The following CCSER1 variants were observed in gnomAD, a reference collection of about 807,000 sequenced individuals.
CCSER1 encodes serine-rich coiled-coil domain-containing protein 1.
Under a neutral mutation model 82.0 loss-of-function variants are expected in CCSER1, and 41 were observed. That is an observed-to-expected ratio of 0.50 (90% CI 0.39 to 0.65). CCSER1 has a LOEUF of 0.65. Among genes scored for constraint, CCSER1 ranks in the 30% least tolerant of loss-of-function variants. The pLI is 0.00. For missense variants in CCSER1, 1,119 were observed against 1,064.2 expected, an observed-to-expected ratio of 1.05 and a Z score of -0.72; for synonymous variants, 414 against 383.9, an observed-to-expected ratio of 1.08 and a Z score of -0.92.
intron 9 of CCSER1, among the ~76,000 whole-genome samples, chr4:90,977,096 T>A (rs1397328753): frequency 6.6e-6 from 1 of 151,562 alleles, no homozygotes; most frequent in Non-Finnish European, 1.5e-5. Context: ...TCTCTGCCTC[T>A]CCTTCTTCAT....
chr4:90,817,617 G>A (rs187939097), intron 8 of CCSER1, among the ~76,000 whole-genome samples: 308 of 151,708 alleles, frequency 2.0e-3, no homozygotes, highest in Non-Finnish European at 3.2e-3. Flanking sequence ...TAATCATCTT[G>A]AATAAACAGG....
intron 9 of CCSER1, among the ~76,000 whole-genome samples, chr4:90,995,820 T>G (rs1316087074): frequency 6.6e-6 from 1 of 152,094 alleles, no homozygotes; most frequent in African/African-American, 2.4e-5. Context: ...AGTTGATTTG[T>G]GGACTCACAA....
chr4:91,048,203 A>G (rs1742680709), intron 9 of CCSER1, among the ~76,000 whole-genome samples: 1 of 152,026 alleles, frequency 6.6e-6, no homozygotes, highest in African/African-American at 2.4e-5. Context: ...AGCAAGATAG[A>G]TGGCAGTGAC....
At chr4:91,134,400 A>C (rs186986742) in intron 10 of CCSER1, among the ~76,000 whole-genome samples, 38 of 151,570 alleles carry the variant, frequency 2.5e-4, no homozygotes, top group Non-Finnish European at 4.3e-4. Flanking sequence ...CAGTCAGGGC[A>C]ACACAGCAAG....
At chr4:90,839,044 G>C (rs371967306) in intron 8 of CCSER1, 4 of 1,612,044 alleles carry the variant, frequency 2.5e-6, no homozygotes, top group Non-Finnish European at 3.4e-6. Flanking sequence ...ACATGGTTGC[G>C]GAGGAAAAGC....
intron 1 of CCSER1, among the ~76,000 whole-genome samples, chr4:90,253,822 GTC>G (rs1242067071): frequency 6.6e-6 from 1 of 151,892 alleles, no homozygotes; most frequent in Non-Finnish European, 1.5e-5. Flanking sequence ...CTTTTTGATT[GTC>G]TCTTTCTTTC....
At chr4:90,963,412 A>AT (rs1029715784) in intron 9 of CCSER1, among the ~76,000 whole-genome samples, 5 of 152,110 alleles carry the variant, frequency 3.3e-5, no homozygotes, top group African/African-American at 9.6e-5. Flanking sequence ...ACATATATAC[A>AT]TTTTTTTTGT....
At chr4:90,302,374 G>T (rs1733314542) in intron 1 of CCSER1, among the ~76,000 whole-genome samples, 1 of 152,178 alleles carries the variant, frequency 6.6e-6, no homozygotes, top group Non-Finnish European at 1.5e-5. Flanking sequence ...GGTAGGGAAG[G>T]AGTGTCAGGG....
intron 3 of CCSER1, among the ~76,000 whole-genome samples, chr4:90,322,888 A>G (rs1174149632): frequency 6.6e-6 from 1 of 152,170 alleles, no homozygotes; most frequent in Non-Finnish European, 1.5e-5. Flanking sequence ...CCAGTGCAGT[A>G]CTGGGTCTTA....
chr4:91,164,416 G>T (rs185540668), intron 10 of CCSER1, among the ~76,000 whole-genome samples: 77 of 152,158 alleles, frequency 5.1e-4, no homozygotes, highest in Non-Finnish European at 5.9e-5. Flanking sequence ...TCTTGGGGTT[G>T]CTCTTCTTGA....
At chr4:91,573,722 C>T (rs932142034) in intron 10 of CCSER1, among the ~76,000 whole-genome samples, 3 of 152,058 alleles carry the variant, frequency 2.0e-5, no homozygotes, top group African/African-American at 7.2e-5. Context: ...TTGATTAGTC[C>T]CAATGCAAGT....
chr4:91,206,787 A>C (rs1418704921), intron 10 of CCSER1, among the ~76,000 whole-genome samples: 6 of 151,850 alleles, frequency 4.0e-5, no homozygotes, highest in Non-Finnish European at 7.4e-5. Context: ...TTCACAAGAG[A>C]TACGAGAAGT....
intron 8 of CCSER1, among the ~76,000 whole-genome samples, chr4:90,895,995 A>G (rs903150453): frequency 4.6e-5 from 7 of 151,976 alleles, no homozygotes; most frequent in Non-Finnish European, 1.0e-4. Flanking sequence ...TTAAATGGTT[A>G]CTGCAGTGAT....
chr4:91,594,364 TATACACATATATATACACACATATA>T (rs1195359114), intron 10 of CCSER1, among the ~76,000 whole-genome samples: 1 of 137,978 alleles, frequency 7.2e-6, no homozygotes, highest in Non-Finnish European at 1.7e-5. Context: ...TACACATATA[TATACACATATATATACACACATATA>T]TACATATATA....
chr4:90,637,484 G>A (rs1399280911), intron 6 of CCSER1, among the ~76,000 whole-genome samples: 1 of 152,136 alleles, frequency 6.6e-6, no homozygotes, highest in Non-Finnish European at 1.5e-5. Context: ...CCAGGAGGTA[G>A]GGAACATTGT....
intron 10 of CCSER1, among the ~76,000 whole-genome samples, chr4:91,491,325 C>T (rs558847741): frequency 2.0e-5 from 3 of 151,888 alleles, no homozygotes; most frequent in South Asian, 2.1e-4. Context: ...TCAAACCTAG[C>T]GAGTCAGTAA....
At chr4:90,227,980 G>T (rs1332620095) in intron 1 of CCSER1, among the ~76,000 whole-genome samples, 1 of 152,216 alleles carries the variant, frequency 6.6e-6, no homozygotes, top group Non-Finnish European at 1.5e-5. Flanking sequence ...CTACGCCCAT[G>T]GAGTCTCACT....
At chr4:90,221,999 G>T (rs551041374) in intron 1 of CCSER1, among the ~76,000 whole-genome samples, 1 of 152,010 alleles carries the variant, frequency 6.6e-6, no homozygotes, top group South Asian at 2.1e-4. Flanking sequence ...AGAATGACTC[G>T]CATGTTTTCA....
At chr4:90,352,751 A>G (rs1028657349) in intron 3 of CCSER1, among the ~76,000 whole-genome samples, 1 of 152,158 alleles carries the variant, frequency 6.6e-6, no homozygotes, top group African/African-American at 2.4e-5. Flanking sequence ...ATAACATTGA[A>G]TAACTGTTTT....
Sources: gnomAD v4.1 joint callset for allele counts (sites outside exome capture counted in the v4.1 genomes callset) on GRCh38, gnomAD v4.1.1 for gene constraint, MANE v1.5 for transcripts, NCBI Gene and HGNC (gene_info 2026-07-23, HGNC 2026-07-21) for gene names.